The following APEH variants were observed in gnomAD, a reference collection of about 807,000 sequenced individuals.
APEH encodes acylaminoacyl-peptide hydrolase, also known as acylamino-acid-releasing enzyme.
APEH carries 75 observed loss-of-function variants against 102.7 expected under a neutral mutation model. The ratio of observed to expected loss-of-function variants is 0.73; its 90% confidence interval spans 0.61 to 0.89. The LOEUF is 0.89. Among genes scored for constraint, APEH ranks in the 40% least tolerant of loss-of-function variants. The pLI, the probability that APEH is intolerant of heterozygous loss-of-function variation, is 0.00. For synonymous variants in APEH, 344 were observed against 362.7 expected (o/e 0.95, Z 0.59); for missense variants, 863 against 941.2 (o/e 0.92, Z 1.09).
chr3:49,680,834 G>A (rs1379550044), intron 14 of APEH, among the ~76,000 whole-genome samples: 1 of 152,226 alleles, frequency 6.6e-6, no homozygotes, highest in Non-Finnish European at 1.5e-5. Flanking sequence ...ACAAAACAAG[G>A]TGCCTGGGGA....
At chr3:49,677,068 A>G (rs2053094037) in intron 10 of APEH, 44 bp downstream of exon 10, 2 of 1,612,740 alleles carry the variant, frequency 1.2e-6, no homozygotes, top group Non-Finnish European at 1.7e-6. Context: ...CAGCAAGAAG[A>G]TGGGATGGTG....
Position 49,682,553 on chromosome 3 carries a change from T to C in APEH, c.1700T>C (p.Val567Ala), listed in dbSNP as rs2053389643. ...HQDVKDVQFAVEQVLQEEHFD... is the reference protein window; with the variant it reads ...HQDVKDVQFAAEQVLQEEHFD... Reference sequence around the variant, plus strand: ...CTTTGTCCCACCCTGCAGTTTGCAGTGGAACAGGTGCTCCAGGAGGAACAC... The same window carrying C: ...CTTTGTCCCACCCTGCAGTTTGCAGCGGAACAGGTGCTCCAGGAGGAACAC... Residue 567 changes from valine to alanine, a missense_variant, in exon 19 of 22, where the codon GTG becomes GCG. By Grantham distance (64) the Val-to-Ala change is moderately conservative. Coordinates refer to ENST00000296456, the MANE Select transcript of APEH (RefSeq NM_001640.4). 3.7e-6 allele frequency: 6 copies of C among 1,613,928 alleles called. No individual in the cohort carries two copies. In the Admixed American group the frequency reaches 5.0e-5, roughly 13 times the overall value.
rs1444594065 is a variant in APEH at position 49,675,886 on chromosome 3, C to G, written c.367-5C>G. 3 of 1,614,020 alleles carry G rather than the reference C, an allele frequency of 1.9e-6. No individual in the cohort carries two copies. The highest frequency in any genetic ancestry group is 2.5e-6 in the Non-Finnish European group (3 of 1,180,002). On this transcript the variant is annotated splice_region_variant and splice_polypyrimidine_tract_variant and intron_variant, in intron 4 of 21. Coordinates refer to ENST00000296456, the MANE Select transcript of APEH (RefSeq NM_001640.4). ...GCAAACAGCCTAATGCCCAGATGTC[C>G]TCAGGTCTGGGAGAAGAACCGGAAG...
At chr3:49,676,536 TC>T (rs757010416) in intron 7 of APEH, 21 bp downstream of exon 7, 1 of 1,614,190 alleles carries the variant, frequency 6.2e-7, no homozygotes, top group Non-Finnish European at 8.5e-7. Context: ...ACAGCCTGTG[TC>T]CCCCCTGGAG....
Position 49,679,770 on chromosome 3 carries a change from G to A in APEH, c.1210+126G>A, listed in dbSNP as rs1440468956. On this transcript the variant is annotated intron_variant, in intron 13 of 21. Coordinates refer to ENST00000296456, the MANE Select transcript of APEH (RefSeq NM_001640.4). The surrounding 1 kb of genome is among the most constrained non-coding windows in gnomAD (Gnocchi z 4.3). ...TCTCAGCCACTCAGCACCACTGACT[G>A]TTCCACAGCCTTTACTAACAGGTCC... 6.1e-6 allele frequency: 6 copies of A among 983,968 alleles called. No homozygotes were observed. The East Asian group carries it at 1.3e-4, about 22-fold the overall frequency. The allele number at this position is 983,968 out of a possible 1,614,324, so 61.0% of individuals were successfully genotyped here.
intron 11 of APEH, among the ~76,000 whole-genome samples, chr3:49,678,285 G>A (rs1036784710): frequency 4.6e-5 from 7 of 152,192 alleles, no homozygotes; most frequent in African/African-American, 1.7e-4. Flanking sequence ...CAGGGATGCA[G>A]TGGTGGGAAC....
upstream of APEH, among the ~76,000 whole-genome samples, chr3:49,673,184 G>C (rs1183252420): frequency 4.9e-5 from 7 of 143,966 alleles, no homozygotes; most frequent in Non-Finnish European, 1.0e-4. Context: ...GGCCAGACAA[G>C]TGGACTCTCA....
chr3:49,676,699 AG>A lies in APEH; in HGVS notation c.836+1del. 1.2e-6 allele frequency: 2 copies of A among 1,614,220 alleles called. No homozygotes were observed. The highest frequency in any genetic ancestry group is 1.7e-6 in the Non-Finnish European group (2 of 1,180,040). ...RLGIRFCTNRRSALYYVDLIG... is the reference protein window; with the variant it reads ...RLGIRFCTNRXSALYYVDLIG... ...GGGCATCCGCTTTTGCACCAATCGCAGGTGAGGGAGTGGGGCAAGGCAAGGG... is the reference window on the plus strand; with the variant it reads ...GGGCATCCGCTTTTGCACCAATCGCAGTGAGGGAGTGGGGCAAGGCAAGGG... On this transcript the variant is annotated frameshift_variant and splice_region_variant, in exon 8 of 22. Transcript: ENST00000296456. LOFTEE classifies it high-confidence loss of function.
intron 2 of APEH, 55 bp from the exon 3 acceptor site, chr3:49,675,128 G>GCAGTAGC: frequency 1.2e-6 from 2 of 1,610,920 alleles, no homozygotes; most frequent in Non-Finnish European, 1.7e-6. Context: ...GGGGCTGGGG[G>GCAGTAGC]CAGTAGCCAG....
intron 10 of APEH, 138 bp downstream of exon 10, chr3:49,677,162 T>A: frequency 7.8e-7 from 1 of 1,288,804 alleles, no homozygotes; most frequent in Non-Finnish European, 1.1e-6. Context: ...CGGTGTGAGT[T>A]CTGCCTGTCC....
chr3:49,676,842 C>G (rs746242588), intron 9 of APEH, 25 bp downstream of exon 9: 21 of 1,614,248 alleles, frequency 1.3e-5, no homozygotes, highest in Non-Finnish European at 1.7e-5. Context: ...CCCACCTGTG[C>G]TTTGCTGACA....
In APEH at chr3:49,683,385, T is replaced by C. The variant is rs1392365183; in HGVS notation, c.*43T>C. The C allele has an allele frequency of 1.9e-6, 3 of 1,550,604 alleles. No homozygotes were observed. Among genetic ancestry groups the C allele is most frequent in the Non-Finnish European group, 2.7e-6 (3 of 1,123,122 alleles). Reference sequence around the variant, plus strand: ...TGAGCTGATCAGCCTGTGCCACACTTCGCTCTTGAGGAGCTCAACGGTCTG... The same window carrying C: ...TGAGCTGATCAGCCTGTGCCACACTCCGCTCTTGAGGAGCTCAACGGTCTG... On this transcript the variant is annotated 3_prime_UTR_variant, in exon 22 of 22. Coordinates refer to ENST00000296456, the MANE Select transcript of APEH (RefSeq NM_001640.4).
chr3:49,676,032 CT>C lies in APEH; in HGVS notation c.443-23del, dbSNP rs759198160. On this transcript the variant is annotated intron_variant, in intron 5 of 21. Coordinates refer to ENST00000296456, the MANE Select transcript of APEH (RefSeq NM_001640.4). ...GGGTAGCCGTAGCCCTGGGCCCCCC[CT>C]GATTGGCCCTCCCTGCACCCAGACT... is the stretch of plus-strand genomic sequence containing the variant. The C allele has an allele frequency of 1.0e-4, 162 of 1,614,136 alleles. 1 individual carries two copies. The African/African-American group carries it at 1.1e-3, about 11-fold the overall frequency.
At chr3:49,674,029 T>TA, upstream of APEH, 1 of 383,192 alleles carries the variant, frequency 2.6e-6, no homozygotes, top group Non-Finnish European at 4.7e-6. Flanking sequence ...TAGGCCCTTC[T>TA]ACCCTCCCCG....
rs1336213422 is a variant in APEH at position 49,676,776 on chromosome 3, G to C, written c.837-1G>C. 1 of 1,614,278 alleles carries C rather than the reference G, an allele frequency of 6.2e-7. No individual in the cohort carries two copies. Among genetic ancestry groups the C allele is most frequent in the South Asian group, 1.1e-5 (1 of 91,092 alleles). ...ACTGAGTGTCTGTCTCGTGGTTCCA[G>C]GTCAGCCCTGTATTATGTGGACCTC... is the stretch of plus-strand genomic sequence containing the variant. On this transcript the variant is annotated splice_acceptor_variant, in intron 8 of 21. Coordinates refer to ENST00000296456, the MANE Select transcript of APEH (RefSeq NM_001640.4). LOFTEE classifies it high-confidence loss of function.
In APEH at chr3:49,676,178, G is replaced by A. The variant is rs761116888; in HGVS notation, c.565G>A (p.Asp189Asn). 3 of 1,614,172 alleles carry A rather than the reference G, an allele frequency of 1.9e-6. No individual in the cohort carries two copies. The South Asian group carries it at 3.3e-5, about 18-fold the overall frequency. Reference protein sequence around the residue: ...TKALDVSASDDEIARLKKPDQ... With the variant: ...TKALDVSASDNEIARLKKPDQ... ...AGCCTTGGACGTCAGTGCCAGCGAT[G>A]ATGAGATAGCCAGGCTGAAGAAGCC... Residue 189 changes from aspartate to asparagine, a missense_variant, in exon 6 of 22, where the codon GAT becomes AAT. By Grantham distance (23) the Asp-to-Asn change is conservative (BLOSUM62 1). Coordinates refer to ENST00000296456, the MANE Select transcript of APEH (RefSeq NM_001640.4).
chr3:49,676,320 T>C (rs6778597), intron 6 of APEH, 58 bp from the exon 7 acceptor site: 1,610,801 of 1,612,820 alleles, frequency 1, 804,415 homozygotes, highest in East Asian at 1. Flanking sequence ...GCACTAGCTT[T>C]TAGGAAGCAG....
chr3:49,675,521 T>C (rs2052989258), intron 3 of APEH, 173 bp from the exon 4 acceptor site: 1 of 955,408 alleles, frequency 1.0e-6, no homozygotes. Context: ...CCTGGGGAGT[T>C]GCAGAGAGTA....
Position 49,676,655 on chromosome 3 carries a change from G to C in APEH, c.791G>C (p.Trp264Ser). The change falls in exon 8 of 22, where the codon TGG becomes TCG. Residue 264 changes from tryptophan (W) to serine (S), a missense_variant. By Grantham distance (177) the Trp-to-Ser change is radical (BLOSUM62 -3). Transcript: ENST00000296456. ...GDAGVVFVGWWHEPFRLGIRF... is the reference protein window; with the variant it reads ...GDAGVVFVGWSHEPFRLGIRF... ...GCTGGTGTGGTGTTTGTGGGCTGGT[G>C]GCATGAGCCCTTCCGGTTGGGCATC... 1 of 1,614,280 alleles carries C rather than the reference G, an allele frequency of 6.2e-7. No homozygotes were observed. The highest frequency in any genetic ancestry group is 8.5e-7 in the Non-Finnish European group (1 of 1,180,058).
Sources: allele counts gnomAD v4.1 joint callset (sites outside exome capture counted in the v4.1 genomes callset), GRCh38; gene constraint gnomAD v4.1.1; non-coding constraint Gnocchi (gnomAD v3.1); transcripts MANE v1.5; gene names NCBI Gene and HGNC (gene_info 2026-07-23, HGNC 2026-07-21).